The following PAQR4 variants were observed in gnomAD, a reference collection of about 807,000 sequenced individuals.
PAQR4 encodes the protein progestin and adipoQ receptor family member IV.
A neutral mutation model predicts 20.9 loss-of-function variants in PAQR4; 26 were observed. The observed-to-expected ratio is 1.24, with a 90% confidence interval of 0.91 to 1.73. The LOEUF (loss-of-function observed/expected upper bound fraction) is 1.73, where lower values mean the gene tolerates loss of function less well. PAQR4 is among the 40% of genes most tolerant of loss of function. The pLI is 0.00. For synonymous variants in PAQR4, 193 were observed against 171.6 expected, an observed-to-expected ratio of 1.12 and a Z score of -0.97; for missense variants, 400 against 380.1, an observed-to-expected ratio of 1.05 and a Z score of -0.44.
At chr16:2,970,832 G>A in intron 1 of PAQR4, 2 of 515,918 alleles carry the variant, frequency 3.9e-6, no homozygotes, top group Non-Finnish European at 7.0e-6. Context: ...GGAGAGCAGT[G>A]TGGGAGTGGG....
At chr16:2,969,999 G>A (rs536975227) in intron 1 of PAQR4, 159 bp downstream of exon 1, 2 of 1,015,412 alleles carry the variant, frequency 2.0e-6, no homozygotes, top group Non-Finnish European at 1.4e-6. Flanking sequence ...CATTGTCCCG[G>A]GCCGCGCTGC....
rs1453874952 is a variant in PAQR4, at chr16:2,973,342, A to G, written c.*1394A>G. On this transcript the variant is annotated 3_prime_UTR_variant, in exon 3 of 3. Coordinates refer to ENST00000318782, the MANE Select transcript of PAQR4 (RefSeq NM_152341.5). ...CAGGCAGGGAGCCACAGTCAGGGACAATAAAAACTTGGTGCACTCTGAAAG... is the reference window on the plus strand; with the variant it reads ...CAGGCAGGGAGCCACAGTCAGGGACGATAAAAACTTGGTGCACTCTGAAAG... The G allele has an allele frequency of 1.9e-6, 3 of 1,543,688 alleles. No homozygotes were observed. The highest frequency in any genetic ancestry group is 2.4e-5 in the South Asian group (2 of 82,960).
Position 2,972,054 on chromosome 16 carries a change from G to A in PAQR4, c.*106G>A. 6 of 1,158,116 alleles carry A rather than the reference G, an allele frequency of 5.2e-6. No individual in the cohort carries two copies. Among genetic ancestry groups the A allele is most frequent in the South Asian group, 1.6e-5 (1 of 62,548 alleles). The allele number at this position is 1,158,116 out of a possible 1,614,324, so 71.7% of individuals were successfully genotyped here. A position where few individuals can be genotyped will look rare whatever the true frequency, so the allele number is the denominator to read the frequency against. On this transcript the variant is annotated 3_prime_UTR_variant, in exon 3 of 3. Transcript: ENST00000318782. ...GGCTCCTTGGATGCTTCCAGCTCAT[G>A]AGATGTCTCAGCAGGAGCCCTGTTC...
chr16:2,972,509 A>G lies in PAQR4; in HGVS notation c.*561A>G. The G allele has an allele frequency of 9.0e-7, 1 of 1,115,522 alleles. No individual in the cohort carries two copies. The highest frequency in any genetic ancestry group is 1.3e-6 in the Non-Finnish European group (1 of 797,818). The allele number at this position is 1,115,522 out of a possible 1,614,324, so 69.1% of individuals were successfully genotyped here. ...TCTTGTACCAGCTGGCCACAGGCACAAGGGCTGCAGCTGCTTCTTCCAGGA... is the reference window on the plus strand; with the variant it reads ...TCTTGTACCAGCTGGCCACAGGCACGAGGGCTGCAGCTGCTTCTTCCAGGA... On this transcript the variant is annotated 3_prime_UTR_variant, in exon 3 of 3. Transcript: ENST00000318782.
chr16:2,972,348 G>C lies in PAQR4; in HGVS notation c.*400G>C, dbSNP rs1452581806. On this transcript the variant is annotated 3_prime_UTR_variant, in exon 3 of 3. Transcript: ENST00000318782. ...GTTCCTCCCACCAGGCCTGTGGCCAGTCTTCCTGATCTCCATCTTTCTGCC... is the reference window on the plus strand; with the variant it reads ...GTTCCTCCCACCAGGCCTGTGGCCACTCTTCCTGATCTCCATCTTTCTGCC... The C allele has an allele frequency of 1.1e-5, 6 of 527,694 alleles. No homozygotes were observed. Among genetic ancestry groups the C allele is most frequent in the Non-Finnish European group, 2.0e-5 (6 of 296,468 alleles). 32.7% of individuals were successfully genotyped at this position (527,694 alleles called of 1,614,324 possible).
intron 1 of PAQR4, 134 bp downstream of exon 1, chr16:2,969,974 C>T (rs961680940): frequency 8.8e-5 from 106 of 1,209,694 alleles, no homozygotes; most frequent in Non-Finnish European, 1.2e-4. Context: ...CCAGTAGCCG[C>T]GGTGACAAAG....
At chr16:2,971,088 G>A in intron 1 of PAQR4, 69 bp from the exon 2 acceptor site, 2 of 1,472,264 alleles carry the variant, frequency 1.4e-6, no homozygotes, top group South Asian at 2.3e-5. Flanking sequence ...GTCCTGTGTT[G>A]TGTCTGAACC....
chr16:2,970,638 C>G (rs1166556325), intron 1 of PAQR4, among the ~76,000 whole-genome samples: 1 of 152,206 alleles, frequency 6.6e-6, no homozygotes, highest in East Asian at 1.9e-4. Context: ...CTGGCCTCAC[C>G]CCTTTATAGA....
Position 2,971,316 on chromosome 16 carries a change from G to A in PAQR4, c.326G>A (p.Ser109Asn). 1.2e-6 allele frequency: 2 copies of A among 1,612,542 alleles called. No individual in the cohort carries two copies. The highest frequency in any genetic ancestry group is 1.1e-5 in the South Asian group (1 of 91,090). ...YHLFMCHQGG[S>N]AVYARLLALD... ...CTCTTTATGTGCCACCAAGGGGGCA[G>A]CGCTGTGTACGCCCGGCTCCTCGCC... The change falls in exon 2 of 3, where the codon AGC becomes AAC. Residue 109 changes from serine (S) to asparagine (N), a missense_variant. Transcript: ENST00000318782.
Position 2,972,555 on chromosome 16 carries a change from C to T in PAQR4, c.*607C>T, listed in dbSNP as rs1056128819. On this transcript the variant is annotated 3_prime_UTR_variant, in exon 3 of 3. Coordinates refer to ENST00000318782, the MANE Select transcript of PAQR4 (RefSeq NM_152341.5). ...CAGGAAACTGACACAGGGAGCTCAG[C>T]GGCCTCAGATCCTGGGACCCCTGGG... 1.9e-5 allele frequency: 27 copies of T among 1,446,310 alleles called. No homozygotes were observed. The highest frequency in any genetic ancestry group is 8.5e-5 in the African/African-American group (6 of 70,314). The allele number at this position is 1,446,310 out of a possible 1,614,324, so 89.6% of individuals were successfully genotyped here.
Position 2,972,270 on chromosome 16 carries a change from T to G in PAQR4, c.*322T>G. On this transcript the variant is annotated 3_prime_UTR_variant, in exon 3 of 3. Transcript: ENST00000318782. Reference sequence around the variant, plus strand: ...GGGACTCTGGGGTCACGTCTTGCTCTGAGAGTTCAAGTCCTGCCAGGCCGC... The same window carrying G: ...GGGACTCTGGGGTCACGTCTTGCTCGGAGAGTTCAAGTCCTGCCAGGCCGC... The G allele has an allele frequency of 2.0e-6, 1 of 498,990 alleles. No individual in the cohort carries two copies. Among genetic ancestry groups the G allele is most frequent in the Non-Finnish European group, 3.5e-6 (1 of 282,724 alleles). 30.9% of individuals were successfully genotyped at this position (498,990 alleles called of 1,614,324 possible). A position where few individuals can be genotyped will look rare whatever the true frequency, so the allele number is the denominator to read the frequency against.
rs2151064050 is a variant in PAQR4 at position 2,971,661 on chromosome 16, T to C, written c.535T>C (p.Trp179Arg). Residue 179 changes from tryptophan to arginine, a missense_variant, in exon 3 of 3, where the codon TGG becomes CGG. Trp to Arg is a moderately radical substitution (Grantham distance 101). Transcript: ENST00000318782. ...CAGTGCTCGGCTCCGGGCATTTGGA[T>C]GGCAGGCTGCTGCCCGCCTACTGGT... ...STSARLRAFG[W>R]QAAARLLVFG... is the part of the protein sequence containing the mutation. 6.2e-7 allele frequency: 1 copy of C among 1,610,962 alleles called. No individual in the cohort carries two copies. Among genetic ancestry groups the C allele is most frequent in the Non-Finnish European group, 8.5e-7 (1 of 1,179,884 alleles).
Position 2,973,446 on chromosome 16 carries a change from C to T in PAQR4, c.*1498C>T. On this transcript the variant is annotated 3_prime_UTR_variant, in exon 3 of 3. Coordinates refer to ENST00000318782, the MANE Select transcript of PAQR4 (RefSeq NM_152341.5). Reference sequence around the variant, plus strand: ...CTCTGTCCTTTTCAGAACACATGGACTTGGAGGCAGATTTGAAATAAACTT... The same window carrying T: ...CTCTGTCCTTTTCAGAACACATGGATTTGGAGGCAGATTTGAAATAAACTT... The T allele has an allele frequency of 6.6e-7, 1 of 1,525,138 alleles. No individual in the cohort carries two copies. The highest frequency in any genetic ancestry group is 1.2e-5 in the South Asian group (1 of 82,742). 94.5% of individuals were successfully genotyped at this position (1,525,138 alleles called of 1,614,324 possible).
Position 2,972,890 on chromosome 16 carries a change from T to A in PAQR4, c.*942T>A, listed in dbSNP as rs1043489594. 1 of 1,547,530 alleles carries A rather than the reference T, an allele frequency of 6.5e-7. No individual in the cohort carries two copies. Among genetic ancestry groups the A allele is most frequent in the Non-Finnish European group, 8.8e-7 (1 of 1,141,396 alleles). Reference sequence around the variant, plus strand: ...ATGGGAGTTCCCGAGGGGCCCCAGCTTTCAAGGGCGACGGGAGAGACACAG... The same window carrying A: ...ATGGGAGTTCCCGAGGGGCCCCAGCATTCAAGGGCGACGGGAGAGACACAG... On this transcript the variant is annotated 3_prime_UTR_variant, in exon 3 of 3. Transcript: ENST00000318782.
At chr16:2,970,650 G>A (rs2071960164) in intron 1 of PAQR4, among the ~76,000 whole-genome samples, 1 of 152,200 alleles carries the variant, frequency 6.6e-6, no homozygotes. Flanking sequence ...CTTTATAGAA[G>A]ATAAAAAGGC....
chr16:2,969,436 G>C lies in PAQR4; in HGVS notation c.-239G>C, dbSNP rs996938382. The C allele has an allele frequency of 4.2e-6, 1 of 238,192 alleles. No homozygotes were observed. The highest frequency in any genetic ancestry group is 2.3e-5 in the African/African-American group (1 of 43,330). The allele number at this position is 238,192 out of a possible 1,614,324, so 14.8% of individuals were successfully genotyped here. ...GGCGGAGCCGACCGCAGTGCGCTCA[G>C]GCGTCCGGTGCGTCCCCAGCCTCCG... On this transcript the variant is annotated 5_prime_UTR_variant, in exon 1 of 3. Transcript: ENST00000318782.
chr16:2,971,470 A>G (rs1368600652), intron 2 of PAQR4, 45 bp from the exon 3 acceptor site: 2 of 1,572,384 alleles, frequency 1.3e-6, no homozygotes, highest in African/African-American at 1.3e-5. Context: ...GGGCGGGTGG[A>G]CCCTCACAAT....
Position 2,971,366 on chromosome 16 carries a change from G to C in PAQR4, c.376G>C (p.Val126Leu). The C allele has an allele frequency of 4.3e-6, 7 of 1,609,352 alleles. No individual in the cohort carries two copies. The highest frequency in any genetic ancestry group is 5.9e-6 in the Non-Finnish European group (7 of 1,179,904). The change falls in exon 2 of 3, where the codon GTC becomes CTC. Residue 126 changes from valine (V) to leucine (L), a missense_variant. By Grantham distance (32) the Val-to-Leu change is conservative. Transcript: ENST00000318782. The stretch of plus-strand genomic sequence containing the variant: ...CCTGGACATGTGTGGGGTCTGCCTT[G>C]TCAACACCCTTGGTGAGTCAGGGCC... Reference protein sequence around the residue: ...LALDMCGVCLVNTLGALPIIH... With the variant: ...LALDMCGVCLLNTLGALPIIH...
At chr16:2,971,443 A>T (rs1228616982) in intron 2 of PAQR4, 65 bp downstream of exon 2, 1 of 1,581,026 alleles carries the variant, frequency 6.3e-7, no homozygotes, top group South Asian at 1.1e-5. Context: ...GCACGCATAC[A>T]AGCCATGGGT....
Sources: gnomAD v4.1 joint callset for allele counts (sites outside exome capture counted in the v4.1 genomes callset) on GRCh38, gnomAD v4.1.1 for gene constraint, MANE v1.5 for transcripts, NCBI Gene and HGNC (gene_info 2026-07-23, HGNC 2026-07-21) for gene names.